The following CDH23 variants were observed in gnomAD, a reference collection of about 807,000 sequenced individuals.
CDH23 encodes cadherin-23.
CDH23 carries 189 observed loss-of-function variants against 317.1 expected under a neutral mutation model. The ratio of observed to expected loss-of-function variants is 0.60; its 90% CI spans 0.53 to 0.67. CDH23 has a LOEUF of 0.67. Ranked by LOEUF, CDH23 falls within the 30% of genes least tolerant of loss-of-function variation. CDH23 has a pLI of 0.00. For synonymous variants in CDH23, 1,839 were observed against 1,876.8 expected, an observed-to-expected ratio of 0.98 and a Z score of 0.52; for missense variants, 4,401 against 4,592.4, an observed-to-expected ratio of 0.96 and a Z score of 1.20.
intron 53 of CDH23, among the ~76,000 whole-genome samples, chr10:71,801,150 CTTTTT>C (rs386371783): frequency 1.1e-4 from 8 of 73,984 alleles, no homozygotes; most frequent in South Asian, 1.2e-3. Flanking sequence ...CTCTCTCTCT[CTTTTT>C]TTTTTTTTTT....
rs1181306807 is a variant in CDH23 at position 71,397,753 on chromosome 10, G to T, written c.-6+435G>T. Among the ~76,000 whole-genome samples, 6 of 152,104 alleles carry T rather than the reference G, an allele frequency of 3.9e-5. No individual in the cohort carries two copies. Among genetic ancestry groups the T allele is most frequent in the Admixed American group, 3.9e-4 (6 of 15,280 alleles). ...GCCCTGGGTCCCCATTTGGACAGTG[G>T]GGATGGGGTGGGGCGCACCCCTACT... is the stretch of plus-strand genomic sequence containing the variant. On this transcript the variant is annotated intron_variant, in intron 1 of 69. Coordinates refer to ENST00000224721, the MANE Select transcript of CDH23 (RefSeq NM_022124.6). The surrounding 1 kb of genome is among the most constrained non-coding windows in gnomAD (Gnocchi z 4.8).
chr10:71,653,031 C>T (rs546364375), intron 14 of CDH23, among the ~76,000 whole-genome samples: 15 of 152,214 alleles, frequency 9.9e-5, no homozygotes, highest in Non-Finnish European at 1.6e-4. Flanking sequence ...CTCTAGAGCC[C>T]GTCTCCTGCC....
At chr10:71,776,990 G>C (rs562319671) in intron 38 of CDH23, among the ~76,000 whole-genome samples, 5 of 152,370 alleles carry the variant, frequency 3.3e-5, no homozygotes, top group Admixed American at 1.3e-4. Context: ...GTTCTGATTA[G>C]CTGAATATTA....
At chr10:71,719,138 G>A (rs907566492) in intron 28 of CDH23, among the ~76,000 whole-genome samples, 7 of 152,124 alleles carry the variant, frequency 4.6e-5, no homozygotes, top group Admixed American at 3.3e-4. Flanking sequence ...AGTAGTTCCT[G>A]TGGCAACGAG....
At chr10:71,638,884 C>T (rs1451753717) in intron 11 of CDH23, among the ~76,000 whole-genome samples, 7 of 152,150 alleles carry the variant, frequency 4.6e-5, no homozygotes, top group Non-Finnish European at 1.0e-4. Context: ...GAATGGGAGG[C>T]AGGGAGGGGG....
At chr10:71,743,770 G>C (rs542804777) in intron 38 of CDH23, among the ~76,000 whole-genome samples, 130 of 152,340 alleles carry the variant, frequency 8.5e-4, no homozygotes, top group African/African-American at 3.1e-3. Context: ...CATTTGTGAA[G>C]TAACAGAAAC....
intron 38 of CDH23, chr10:71,755,516 T>A (rs562440944): frequency 6.6e-6 from 10 of 1,515,484 alleles, no homozygotes; most frequent in Admixed American, 3.8e-5. Context: ...CCATTGCTCC[T>A]CCTGAGCATA....
chr10:71,791,433 G>A, intron 47 of CDH23, 98 bp downstream of exon 47: 1 of 1,051,294 alleles, frequency 9.5e-7, no homozygotes, highest in Middle Eastern at 2.5e-4. Context: ...TGCCTCCAGT[G>A]GGGAGAAAGA....
intron 24 of CDH23, among the ~76,000 whole-genome samples, chr10:71,703,452 T>A (rs1564743616): frequency 1.3e-5 from 2 of 152,186 alleles, no homozygotes; most frequent in Non-Finnish European, 2.9e-5. Context: ...GAAATGGAGA[T>A]AATAATAGTA....
At position 71,812,802 on chromosome 10, in the gene CDH23, C is replaced by A; in HGVS notation, c.9545C>A (p.Pro3182His). Residue 3182 changes from proline (P) to histidine (H), a missense_variant, in exon 68 of 70, where the codon CCT (proline) becomes CAT (histidine). By Grantham distance (77) the Pro-to-His change is moderately conservative (BLOSUM62 -2). Around this residue, in one of 3 missense-constraint regions of CDH23, gnomAD observed 1,144 missense variants for 1,138.2 expected, o/e 1.01. Transcript: ENST00000224721. ...TFGREPAAVKPDDDRYLRAAI... is the reference protein window; with the variant it reads ...TFGREPAAVKHDDDRYLRAAI... ...GGGCGTGAGCCAGCAGCTGTCAAGC[C>A]TGATGATGACCGATACCTGCGGGCT... 2 of 1,613,474 alleles carry A rather than the reference C, an allele frequency of 1.2e-6. No individual in the cohort carries two copies. Among genetic ancestry groups the A allele is most frequent in the Non-Finnish European group, 1.7e-6 (2 of 1,179,662 alleles).
chr10:71,788,887 G>A, intron 44 of CDH23, 53 bp from the exon 45 acceptor site: 1 of 900,134 alleles, frequency 1.1e-6, no homozygotes, highest in Non-Finnish European at 1.9e-6. Context: ...CCACCTAGGT[G>A]GGGGCACTTT....
At chr10:71,645,354 G>A (rs1384075644) in intron 12 of CDH23, among the ~76,000 whole-genome samples, 1 of 152,198 alleles carries the variant, frequency 6.6e-6, no homozygotes, top group Non-Finnish European at 1.5e-5. Context: ...ACGTTCCAGA[G>A]GAGGAGGGGA....
chr10:71,553,293 C>G (rs1245343247), intron 6 of CDH23, among the ~76,000 whole-genome samples: 1 of 152,156 alleles, frequency 6.6e-6, no homozygotes, highest in Non-Finnish European at 1.5e-5. Context: ...GGGTCCAGCT[C>G]CCCGCAATCT....
At chr10:71,811,044 T>C (rs1841901316) in intron 62 of CDH23, among the ~76,000 whole-genome samples, 1 of 131,304 alleles carries the variant, frequency 7.6e-6, no homozygotes, top group African/African-American at 3.0e-5. Context: ...CATGCCACAC[T>C]GCACTCCAGC....
intron 22 of CDH23, among the ~76,000 whole-genome samples, chr10:71,700,561 T>C (rs1048426438): frequency 6.6e-6 from 1 of 152,198 alleles, no homozygotes; most frequent in Non-Finnish European, 1.5e-5. Flanking sequence ...CTTCCCTTTA[T>C]GGAGGCTAGG....
At chr10:71,553,111 C>G (rs1404380713) in intron 6 of CDH23, among the ~76,000 whole-genome samples, 7 of 152,306 alleles carry the variant, frequency 4.6e-5, no homozygotes, top group Admixed American at 4.6e-4. Flanking sequence ...TGGGCGCCAG[C>G]CTGCTATTTT....
intron 3 of CDH23, among the ~76,000 whole-genome samples, chr10:71,456,868 T>C (rs1326373700): frequency 6.6e-6 from 1 of 152,250 alleles, no homozygotes; most frequent in Non-Finnish European, 1.5e-5. Context: ...ACAGCTTGTG[T>C]AGAGTCAAAA....
chr10:71,656,628 C>T (rs1465757543), intron 14 of CDH23, among the ~76,000 whole-genome samples: 1 of 152,108 alleles, frequency 6.6e-6, no homozygotes, highest in Non-Finnish European at 1.5e-5. Context: ...GTTGCTACTG[C>T]ATCGTTATAT....
In CDH23 at chr10:71,807,768, G is replaced by A; in HGVS notation, c.8560+1G>A. 3 of 1,597,774 alleles carry A rather than the reference G, an allele frequency of 1.9e-6. No homozygotes were observed. Among genetic ancestry groups the A allele is most frequent in the East Asian group, 2.3e-5 (1 of 43,920 alleles). On this transcript the variant is annotated splice_donor_variant, in intron 59 of 69. Transcript: ENST00000224721. LOFTEE classifies it high-confidence loss of function. ...TTCACCAAGGCTGAGTACACTGCAG[G>A]TGCAGGGACTGGAGCCTGGGCACGA...
Sources: gnomAD v4.1 joint callset for allele counts (sites outside exome capture counted in the v4.1 genomes callset) on GRCh38, gnomAD v4.1.1 for gene constraint, gnomAD v4.1.1 regional missense constraint, Gnocchi (gnomAD v3.1) non-coding constraint, MANE v1.5 for transcripts, NCBI Gene and HGNC (gene_info 2026-07-23, HGNC 2026-07-21) for gene names.